The following CNGA1 variants were observed in gnomAD, a reference collection of about 807,000 sequenced individuals.
The protein encoded by CNGA1 is cyclic nucleotide gated channel subunit alpha 1.
CNGA1 carries 53 observed loss-of-function variants against 69.7 expected under a neutral mutation model. That is an observed-to-expected ratio of 0.76 (90% confidence interval 0.61 to 0.96). The LOEUF (loss-of-function observed/expected upper bound fraction) is 0.96, where lower values mean the gene tolerates loss of function less well. Among genes scored for constraint, CNGA1 ranks in the 40% least tolerant of loss-of-function variants. The pLI, the probability that CNGA1 is intolerant of heterozygous loss-of-function variation, is 0.00. For missense variants in CNGA1, 739 were observed against 811.2 expected (o/e 0.91, Z 1.08); for synonymous variants, 249 against 283.5 (o/e 0.88, Z 1.22).
At chr4:47,948,696 A>T (rs1739569481) in intron 6 of CNGA1, among the ~76,000 whole-genome samples, 1 of 152,202 alleles carries the variant, frequency 6.6e-6, no homozygotes, top group Admixed American at 6.5e-5. Context: ...TATACAATGC[A>T]GGGAGGGGAG....
intron 1 of CNGA1, 138 bp from the exon 2 acceptor site, chr4:48,011,031 T>G (rs997755777): frequency 6.6e-6 from 1 of 152,294 alleles, no homozygotes; most frequent in Non-Finnish European, 1.5e-5. Flanking sequence ...GTTTATATCC[T>G]GATCATTGTC....
chr4:48,011,128 A>C (rs1715140250), intron 1 of CNGA1, among the ~76,000 whole-genome samples: 1 of 152,064 alleles, frequency 6.6e-6, no homozygotes, highest in Non-Finnish European at 1.5e-5. Context: ...TCTCCTTACT[A>C]TCTGATTGGT....
intron 8 of CNGA1, among the ~76,000 whole-genome samples, 200 bp from the exon 9 acceptor site, chr4:47,942,348 C>T (rs897792944): frequency 4.7e-5 from 6 of 128,774 alleles, no homozygotes; most frequent in African/African-American, 1.8e-4. Flanking sequence ...GGATAGATAA[C>T]AAAACTACCA....
At chr4:48,016,671 CGGCTGGCGCTGAGGCCCCGCCTGG>C in exon 1 of CNGA1, 1 of 596,556 alleles carries the variant, frequency 1.7e-6, no homozygotes, top group Non-Finnish European at 2.8e-6. Flanking sequence ...CAGCAGGGCT[CGGCTGGCGCTGAGGCCCCGCCTGG>C]CCATGCCCAT....
intron 2 of CNGA1, among the ~76,000 whole-genome samples, chr4:48,002,683 CAAAA>C (rs34405949): frequency 8.5e-5 from 10 of 117,764 alleles, no homozygotes; most frequent in Admixed American, 8.7e-5. Flanking sequence ...GTCAGACATG[CAAAA>C]AAAAAAAAAA....
At chr4:48,011,405 GCA>G (rs1299099352) in intron 1 of CNGA1, among the ~76,000 whole-genome samples, 1 of 130,734 alleles carries the variant, frequency 7.6e-6, no homozygotes, top group Non-Finnish European at 1.7e-5. Flanking sequence ...GCACACACAT[GCA>G]CACATACACA....
intron 2 of CNGA1, among the ~76,000 whole-genome samples, chr4:48,005,013 C>A (rs772617823): frequency 6.6e-6 from 1 of 152,184 alleles, no homozygotes; most frequent in Non-Finnish European, 1.5e-5. Flanking sequence ...AATCTAAGAA[C>A]AGGTGTACTA....
In CNGA1 at chr4:47,943,432, A is replaced by G; in HGVS notation, c.288-20T>C. 1.5e-6 allele frequency: 2 copies of G among 1,351,188 alleles called. No individual in the cohort carries two copies. The highest frequency in any genetic ancestry group is 2.0e-6 in the Non-Finnish European group (2 of 991,228). 83.7% of individuals were successfully genotyped at this position (1,351,188 alleles called of 1,614,324 possible). ...GGTTCCCTAAAGAAAAAAATAATAT[A>G]TCTGTCACATAATCACAGTCTTCCA... On this transcript the variant is annotated intron_variant, in intron 6 of 10. Coordinates refer to ENST00000514170, the MANE Select transcript of CNGA1 (RefSeq NM_001379270.1).
intron 9 of CNGA1, among the ~76,000 whole-genome samples, chr4:47,941,728 C>CG (rs1254831242): frequency 1.3e-5 from 2 of 151,950 alleles, no homozygotes; most frequent in Non-Finnish European, 2.9e-5. Context: ...CCCTGTGACA[C>CG]GAGTTTACCT....
intron 3 of CNGA1, among the ~76,000 whole-genome samples, chr4:47,980,614 A>G (rs1375029835): frequency 6.6e-6 from 1 of 151,618 alleles, no homozygotes; most frequent in Non-Finnish European, 1.5e-5. Context: ...AGCTGGGACT[A>G]CAAACACATG....
intron 6 of CNGA1, among the ~76,000 whole-genome samples, chr4:47,945,599 T>G (rs1739352298): frequency 6.6e-6 from 1 of 152,204 alleles, no homozygotes; most frequent in Admixed American, 6.5e-5. Flanking sequence ...TGACTTATGG[T>G]GTTTCCCACT....
chr4:47,962,894 A>G, intron 3 of CNGA1, among the ~76,000 whole-genome samples: 1 of 152,230 alleles, frequency 6.6e-6, no homozygotes, highest in African/African-American at 2.4e-5. Context: ...TATCTGTTTA[A>G]GCAAACAACA....
intron 2 of CNGA1, among the ~76,000 whole-genome samples, chr4:47,994,469 T>C (rs1489091408): frequency 2.0e-5 from 3 of 152,220 alleles, no homozygotes; most frequent in Non-Finnish European, 4.4e-5. Flanking sequence ...CTTTAAAGTT[T>C]GTTTTATCTG....
chr4:47,945,898 T>C (rs1174223774), intron 6 of CNGA1, among the ~76,000 whole-genome samples: 1 of 151,750 alleles, frequency 6.6e-6, no homozygotes, highest in Non-Finnish European at 1.5e-5. Flanking sequence ...ACATGTCCTA[T>C]GTGGAAAATA....
chr4:47,948,620 G>T (rs892893070), intron 6 of CNGA1, among the ~76,000 whole-genome samples: 25 of 152,276 alleles, frequency 1.6e-4, no homozygotes, highest in Admixed American at 1.6e-3. Context: ...TGCCCAACAG[G>T]CAAGGAAGAG....
chr4:47,981,174 A>G (rs1231017299), intron 3 of CNGA1, among the ~76,000 whole-genome samples: 1 of 152,224 alleles, frequency 6.6e-6, no homozygotes, highest in Non-Finnish European at 1.5e-5. Context: ...AGCATTTACT[A>G]TTTTGTGATA....
intron 2 of CNGA1, among the ~76,000 whole-genome samples, chr4:47,982,905 A>G (rs1741794950): frequency 1.3e-5 from 2 of 152,080 alleles, no homozygotes; most frequent in Admixed American, 6.6e-5. Context: ...CCCAGGTTCA[A>G]GCAATTCTCC....
intron 4 of CNGA1, among the ~76,000 whole-genome samples, chr4:47,952,208 C>CA (rs145779138): frequency 0.35 from 51,525 of 149,160 alleles, 9,085 homozygotes; most frequent in East Asian, 0.59. Context: ...ACTAAAAATA[C>CA]AAAAAAAAAA....
intron 2 of CNGA1, among the ~76,000 whole-genome samples, chr4:47,985,571 T>A (rs1021278053): frequency 1.3e-5 from 2 of 152,166 alleles, no homozygotes; most frequent in Non-Finnish European, 2.9e-5. Flanking sequence ...TCAGCCAACT[T>A]AAATCTTGGT....
Sources: allele counts gnomAD v4.1 joint callset (sites outside exome capture counted in the v4.1 genomes callset), GRCh38; gene constraint gnomAD v4.1.1; transcripts MANE v1.5; gene names NCBI Gene and HGNC (gene_info 2026-07-23, HGNC 2026-07-21).